Variants in CERS3 observed in about 807,000 individuals in gnomAD.
The protein encoded by CERS3 is ceramide synthase 3.
Under a neutral mutation model 50.3 loss-of-function variants are expected in CERS3, and 33 were observed. The observed-to-expected ratio is 0.66, with a 90% CI of 0.50 to 0.88. CERS3 has a LOEUF of 0.88. CERS3 is among the 40% of genes least tolerant of loss of function. The pLI is 0.00. For missense variants in CERS3, 470 were observed against 460.3 expected (o/e 1.02, Z -0.19); for synonymous variants, 176 against 155.2 (o/e 1.13, Z -0.99).
chr15:100,524,160 T>TA (rs113244032), intron 1 of CERS3, among the ~76,000 whole-genome samples: 3,469 of 152,266 alleles, frequency 0.023, 154 homozygotes, highest in African/African-American at 0.079. Flanking sequence ...CAAAATTAAT[T>TA]AGTCGGTTAT....
intron 11 of CERS3, among the ~76,000 whole-genome samples, chr15:100,426,897 TG>T (rs2032844949): frequency 6.6e-6 from 1 of 152,220 alleles, no homozygotes. Context: ...CCCCAATCCC[TG>T]CCTTTTATGA....
At chr15:100,444,126 A>T (rs2033826576) in intron 11 of CERS3, among the ~76,000 whole-genome samples, 1 of 152,200 alleles carries the variant, frequency 6.6e-6, no homozygotes, top group South Asian at 2.1e-4. Flanking sequence ...TTACTGTTTC[A>T]GGCTGGCCAT....
intron 2 of CERS3, among the ~76,000 whole-genome samples, chr15:100,508,453 C>T (rs565432653): frequency 3.3e-5 from 5 of 152,250 alleles, no homozygotes; most frequent in East Asian, 1.9e-4. Flanking sequence ...GTGTAAGCAT[C>T]GCAATACTTC....
chr15:100,485,803 G>T (rs1278611075), intron 4 of CERS3, among the ~76,000 whole-genome samples: 1 of 152,172 alleles, frequency 6.6e-6, no homozygotes. Context: ...GGCAGAGGTT[G>T]CAGTGAACCA....
chr15:100,444,504 C>T (rs868203729), intron 11 of CERS3, among the ~76,000 whole-genome samples: 3 of 152,190 alleles, frequency 2.0e-5, no homozygotes, highest in Admixed American at 6.5e-5. Context: ...TTCCACCAGG[C>T]GTAATCGCCA....
chr15:100,462,501 C>T (rs2034581731), intron 10 of CERS3, among the ~76,000 whole-genome samples: 1 of 152,158 alleles, frequency 6.6e-6, no homozygotes, highest in African/African-American at 2.4e-5. Context: ...CAATTATCTA[C>T]CTCAGTGATC....
At chr15:100,418,067 CA>C (rs1379197304) in intron 11 of CERS3, among the ~76,000 whole-genome samples, 2 of 152,044 alleles carry the variant, frequency 1.3e-5, no homozygotes, top group African/African-American at 4.8e-5. Flanking sequence ...AGCAACGGAA[CA>C]AAGCTGGATG....
At chr15:100,464,786 A>G (rs925637770) in intron 10 of CERS3, among the ~76,000 whole-genome samples, 9 of 152,246 alleles carry the variant, frequency 5.9e-5, no homozygotes, top group Non-Finnish European at 8.8e-5. Flanking sequence ...ATGCAAACAG[A>G]TGGAGTTACC....
intron 11 of CERS3, among the ~76,000 whole-genome samples, chr15:100,412,726 C>A (rs2031584626): frequency 6.6e-6 from 1 of 152,166 alleles, no homozygotes. Context: ...CCCAACTAAC[C>A]AGTGTAAAAT....
Position 100,483,787 on chromosome 15 carries a change from A to ATTATTATTATTTTT in CERS3, c.407+762_407+763insAAAAATAATAATAA, listed in dbSNP as rs760594142. Among the ~76,000 whole-genome samples the ATTATTATTATTTTT allele has an allele frequency of 8.6e-3, 860 of 99,956 alleles. 29 individuals are homozygous for ATTATTATTATTTTT. Among genetic ancestry groups the ATTATTATTATTTTT allele is most frequent in the African/African-American group, 0.029 (747 of 26,076 alleles). 65.6% of individuals were successfully genotyped at this position (99,956 alleles called of 152,430 possible). On this transcript the variant is annotated intron_variant, in intron 5 of 11. Coordinates refer to ENST00000679737, the MANE Select transcript of CERS3 (RefSeq NM_001378789.1). Reference sequence around the variant, plus strand: ...AATAATAATAATAATTATTATTATTATTTTTTTTTTTGAGACAGAGTCTTG... The same window carrying ATTATTATTATTTTT: ...AATAATAATAATAATTATTATTATTATTATTATTATTTTTTTTTTTTTTTTGAGACAGAGTCTTG...
intron 2 of CERS3, among the ~76,000 whole-genome samples, chr15:100,513,458 C>A (rs544644046): frequency 6.6e-6 from 1 of 152,114 alleles, no homozygotes; most frequent in African/African-American, 2.4e-5. Context: ...TGCCCCTCTT[C>A]CCCTCAGTCT....
chr15:100,416,673 G>A (rs570408830), intron 11 of CERS3, among the ~76,000 whole-genome samples: 1 of 152,230 alleles, frequency 6.6e-6, no homozygotes, highest in South Asian at 2.1e-4. Flanking sequence ...AAAACCATCA[G>A]ATCTCATGAG....
At chr15:100,409,404 T>C (rs1000290) in intron 11 of CERS3, among the ~76,000 whole-genome samples, 55,557 of 151,472 alleles carry the variant, frequency 0.37, 10,803 homozygotes, top group East Asian at 0.55. Context: ...TAAGGTATGC[T>C]AGAAAAATGA....
intron 1 of CERS3, among the ~76,000 whole-genome samples, chr15:100,542,756 A>G (rs960890458): frequency 1.3e-5 from 2 of 152,210 alleles, no homozygotes; most frequent in Non-Finnish European, 2.9e-5. Flanking sequence ...TTATATCATG[A>G]TCTAATACAA....
intron 4 of CERS3, among the ~76,000 whole-genome samples, chr15:100,488,867 C>G (rs971257873): frequency 6.6e-6 from 1 of 151,496 alleles, no homozygotes; most frequent in Non-Finnish European, 1.5e-5. Flanking sequence ...ACCTCCAACT[C>G]CCTGGTTCAA....
rs1320269127 is a variant in CERS3, at chr15:100,452,568, T to TA, written c.999+3324dup. Among the ~76,000 whole-genome samples the TA allele has an allele frequency of 2.0e-5, 3 of 152,008 alleles. 1 individual carries two copies. The highest frequency in any genetic ancestry group is 1.9e-4 in the East Asian group (1 of 5,178). Reference sequence around the variant, plus strand: ...ATCAAAAAAGTAGAAAGATGTCATATAAAAAATCTAGTGATGCACTTCAAT... The same window carrying TA: ...ATCAAAAAAGTAGAAAGATGTCATATAAAAAAATCTAGTGATGCACTTCAAT... On this transcript the variant is annotated intron_variant, in intron 11 of 11. Transcript: ENST00000679737.
At chr15:100,467,107 C>T (rs569835153) in intron 10 of CERS3, among the ~76,000 whole-genome samples, 14 of 151,952 alleles carry the variant, frequency 9.2e-5, no homozygotes, top group African/African-American at 2.7e-4. Flanking sequence ...CCACCTGCCT[C>T]GGCCTCCCAA....
In CERS3 at chr15:100,402,800, C is replaced by A; in HGVS notation, c.1065G>T (p.Glu355Asp). 2 of 1,614,104 alleles carry A rather than the reference C, an allele frequency of 1.2e-6. No individual in the cohort carries two copies. The highest frequency in any genetic ancestry group is 1.7e-6 in the Non-Finnish European group (2 of 1,179,990). ...AATCCATCTCTTTGCCTTTGGTAGCCTCTTCTTCTTCCTCTTCCTCTTCCT... is the reference window on the plus strand; with the variant it reads ...AATCCATCTCTTTGCCTTTGGTAGCATCTTCTTCTTCCTCTTCCTCTTCCT... ...YEEEEEEEEEEATKGKEMDCL... is the reference protein window; with the variant it reads ...YEEEEEEEEEDATKGKEMDCL... The change falls in exon 12 of 12, where the codon GAG (glutamate) becomes GAT (aspartate). Residue 355 changes from glutamate to aspartate, a missense_variant. Coordinates refer to ENST00000679737, the MANE Select transcript of CERS3 (RefSeq NM_001378789.1).
chr15:100,452,437 C>A (rs2142187270), intron 11 of CERS3, among the ~76,000 whole-genome samples: 1 of 152,084 alleles, frequency 6.6e-6, no homozygotes, highest in Non-Finnish European at 1.5e-5. Context: ...AGAGGGAAAT[C>A]AAAACATTTC....
Sources: allele counts gnomAD v4.1 joint callset (sites outside exome capture counted in the v4.1 genomes callset), GRCh38; gene constraint gnomAD v4.1.1; transcripts MANE v1.5; gene names NCBI Gene and HGNC (gene_info 2026-07-23, HGNC 2026-07-21).